The following LRMDA variants were observed in gnomAD, a reference collection of about 807,000 sequenced individuals.
LRMDA encodes leucine-rich melanocyte differentiation-associated protein.
LRMDA carries 18 observed loss-of-function variants against 29.8 expected under a neutral mutation model. The observed-to-expected ratio is 0.60, with a 90% CI of 0.42 to 0.90. The LOEUF (loss-of-function observed/expected upper bound fraction) is 0.90, where lower values mean the gene tolerates loss of function less well. Among genes scored for constraint, LRMDA ranks in the 40% least tolerant of loss-of-function variants. LRMDA has a pLI of 0.00. For missense variants in LRMDA, 273 were observed against 273.9 expected (o/e 1.00, Z 0.02); for synonymous variants, 125 against 109.4 (o/e 1.14, Z -0.89).
chr10:76,405,554 T>C (rs1217302699), intron 6 of LRMDA, among the ~76,000 whole-genome samples: 3 of 152,146 alleles, frequency 2.0e-5, no homozygotes, highest in Non-Finnish European at 2.9e-5. Context: ...CTCGCCTGTC[T>C]AAGGATGTGA....
At position 75,695,474 on chromosome 10, in the gene LRMDA, G is replaced by A. The variant is rs1681051984; in HGVS notation, c.131+256980G>A. Among the ~76,000 whole-genome samples, 3 of 151,468 alleles carry A rather than the reference G, an allele frequency of 2.0e-5. No individual in the cohort carries two copies. In the South Asian group the frequency reaches 6.2e-4, roughly 32 times the overall value. On this transcript the variant is annotated intron_variant, in intron 2 of 6. Coordinates refer to ENST00000611255, the MANE Select transcript of LRMDA (RefSeq NM_001305581.2). The stretch of plus-strand genomic sequence containing the variant: ...TTGCCCCAGAGCTTTTTGAAAAATT[G>A]TATCTTTAAGCTTGTATCCCTTTGT...
At chr10:75,754,817 C>T (rs1428599621) in intron 2 of LRMDA, among the ~76,000 whole-genome samples, 1 of 152,088 alleles carries the variant, frequency 6.6e-6, no homozygotes, top group East Asian at 1.9e-4. Flanking sequence ...CACTGCCTGT[C>T]TGCGTATCTT....
intron 2 of LRMDA, among the ~76,000 whole-genome samples, chr10:75,774,957 G>A (rs1319078028): frequency 6.6e-6 from 1 of 152,208 alleles, no homozygotes; most frequent in African/African-American, 2.4e-5. Context: ...ATCAGCGGTG[G>A]GAGGTGTGGG....
At chr10:75,618,511 TTA>T (rs59150541) in intron 2 of LRMDA, among the ~76,000 whole-genome samples, 92,017 of 141,234 alleles carry the variant, frequency 0.65, 30,046 homozygotes, top group Middle Eastern at 0.71. Context: ...ACCATATATA[TTA>T]TATATATATA....
At chr10:75,588,954 A>C (rs1272744838) in intron 2 of LRMDA, among the ~76,000 whole-genome samples, 1 of 152,228 alleles carries the variant, frequency 6.6e-6, no homozygotes, top group Non-Finnish European at 1.5e-5. Flanking sequence ...TTAAAATTTT[A>C]TAGGTATATA....
intron 6 of LRMDA, among the ~76,000 whole-genome samples, chr10:76,458,721 T>A (rs3740240): frequency 0.022 from 3,326 of 151,626 alleles, 77 homozygotes; most frequent in South Asian, 0.11. Context: ...AAGCCCAGCT[T>A]CACAGGGGCC....
At chr10:76,510,032 G>A (rs1288399521) in intron 6 of LRMDA, among the ~76,000 whole-genome samples, 1 of 152,006 alleles carries the variant, frequency 6.6e-6, no homozygotes, top group Non-Finnish European at 1.5e-5. Context: ...GTTTATTTTT[G>A]TTTTGTTTTA....
At chr10:75,453,084 A>G (rs1261031832) in intron 2 of LRMDA, among the ~76,000 whole-genome samples, 1 of 152,204 alleles carries the variant, frequency 6.6e-6, no homozygotes, top group Admixed American at 6.5e-5. Flanking sequence ...TTAGTTTAAT[A>G]TGGGTCAAAG....
intron 6 of LRMDA, among the ~76,000 whole-genome samples, chr10:76,449,454 G>T (rs1842384924): frequency 6.6e-6 from 1 of 151,500 alleles, no homozygotes; most frequent in African/African-American, 2.4e-5. Flanking sequence ...ATTGTTTTTT[G>T]CAAGACTTTC....
chr10:75,580,088 A>C (rs1466278384), intron 2 of LRMDA, among the ~76,000 whole-genome samples: 1 of 152,206 alleles, frequency 6.6e-6, no homozygotes, highest in Non-Finnish European at 1.5e-5. Flanking sequence ...CAGGCAAGAG[A>C]AAGAAATAAA....
At chr10:75,896,802 G>A (rs1320838801) in intron 2 of LRMDA, among the ~76,000 whole-genome samples, 2 of 147,870 alleles carry the variant, frequency 1.4e-5, no homozygotes, top group Non-Finnish European at 3.0e-5. Flanking sequence ...GTTCCACAAG[G>A]GACTGAGAGA....
At chr10:75,440,735 T>TA (rs963295139) in intron 2 of LRMDA, among the ~76,000 whole-genome samples, 3 of 152,064 alleles carry the variant, frequency 2.0e-5, no homozygotes, top group African/African-American at 7.2e-5. Context: ...TAATTCCTCT[T>TA]AAAAAAAGAA....
At chr10:75,693,164 G>A (rs1219418560) in intron 2 of LRMDA, among the ~76,000 whole-genome samples, 2 of 152,170 alleles carry the variant, frequency 1.3e-5, no homozygotes, top group East Asian at 3.9e-4. Flanking sequence ...AGCTTCGCTT[G>A]GAGAGAAACA....
Position 75,464,374 on chromosome 10 carries a change from G to A in LRMDA, c.131+25880G>A, listed in dbSNP as rs140758299. The stretch of plus-strand genomic sequence containing the variant: ...TTGTGTATACTCGAGTGGTGTGTTT[G>A]TGGATAGGCATGTAGCAAGACTGTG... On this transcript the variant is annotated intron_variant, in intron 2 of 6. Transcript: ENST00000611255. Among the ~76,000 whole-genome samples, 121 of 152,280 alleles carry A rather than the reference G, an allele frequency of 7.9e-4. 2 individuals are homozygous for A. Among genetic ancestry groups the A allele is most frequent in the African/African-American group, 2.7e-3 (112 of 41,534 alleles).
At chr10:75,857,074 C>T (rs976186468) in intron 2 of LRMDA, among the ~76,000 whole-genome samples, 1 of 152,158 alleles carries the variant, frequency 6.6e-6, no homozygotes, top group African/African-American at 2.4e-5. Context: ...TACTCCCTGG[C>T]ATGTGACCTC....
intron 2 of LRMDA, among the ~76,000 whole-genome samples, chr10:75,605,067 T>G (rs553732513): frequency 1.7e-3 from 258 of 152,306 alleles, no homozygotes; most frequent in Non-Finnish European, 3.2e-3. Flanking sequence ...TTGGGACAAC[T>G]TGCTTAGTTT....
chr10:75,871,587 C>A (rs1022801732), intron 2 of LRMDA, among the ~76,000 whole-genome samples: 1 of 152,160 alleles, frequency 6.6e-6, no homozygotes, highest in Non-Finnish European at 1.5e-5. Flanking sequence ...CCCTTTCCTG[C>A]TCTCTTGGGT....
chr10:75,779,526 G>T (rs1212394681), intron 2 of LRMDA, among the ~76,000 whole-genome samples: 3 of 152,156 alleles, frequency 2.0e-5, no homozygotes, highest in Non-Finnish European at 4.4e-5. Flanking sequence ...TGCTAGCCCT[G>T]GGCCCATAAA....
intron 2 of LRMDA, among the ~76,000 whole-genome samples, chr10:75,632,133 C>G (rs1841331934): frequency 1.3e-5 from 2 of 152,082 alleles, no homozygotes; most frequent in African/African-American, 2.4e-5. Context: ...CAGCTTGGTA[C>G]CATCCCCTGG....
Sources: gnomAD v4.1 joint callset for allele counts (sites outside exome capture counted in the v4.1 genomes callset) on GRCh38, gnomAD v4.1.1 for gene constraint, MANE v1.5 for transcripts, NCBI Gene and HGNC (gene_info 2026-07-23, HGNC 2026-07-21) for gene names.